STARD13: variants seen among roughly 807,000 people sequenced by gnomAD.
STARD13 encodes the protein stAR-related lipid transfer protein 13.
Under a neutral mutation model 106.4 loss-of-function variants are expected in STARD13, and 62 were observed. That is an observed-to-expected ratio of 0.58 (90% CI 0.48 to 0.72). STARD13 has a LOEUF of 0.72. Among genes scored for constraint, STARD13 ranks in the 30% least tolerant of loss-of-function variants. STARD13 has a pLI of 0.00. For missense variants in STARD13, 1,387 were observed against 1,424.0 expected, an observed-to-expected ratio of 0.97 and a Z score of 0.42; for synonymous variants, 565 against 553.0, an observed-to-expected ratio of 1.02 and a Z score of -0.31.
chr13:33,335,579 C>T (rs2077886622), intron 1 of STARD13, among the ~76,000 whole-genome samples: 2 of 152,262 alleles, frequency 1.3e-5, no homozygotes, highest in South Asian at 4.1e-4. Flanking sequence ...CACTTAACCT[C>T]TCCCAGCCTT....
chr13:33,312,974 A>T (rs1418232877), intron 1 of STARD13, among the ~76,000 whole-genome samples: 1 of 152,230 alleles, frequency 6.6e-6, no homozygotes, highest in Non-Finnish European at 1.5e-5. Flanking sequence ...GCCAACTGTG[A>T]TGAGTTCCAG....
chr13:33,141,816 T>C (rs1403587358), intron 4 of STARD13, among the ~76,000 whole-genome samples: 3 of 152,196 alleles, frequency 2.0e-5, no homozygotes, highest in Non-Finnish European at 4.4e-5. Flanking sequence ...GGTTGACATT[T>C]ACAACGGACA....
chr13:33,111,056 AGGCCG>A, intron 10 of STARD13, 149 bp from the exon 11 acceptor site: 1 of 649,820 alleles, frequency 1.5e-6, no homozygotes, highest in South Asian at 1.9e-5. Flanking sequence ...ATCATTGCCA[AGGCCG>A]GGAGGGGCCT....
intron 7 of STARD13, among the ~76,000 whole-genome samples, chr13:33,120,401 T>C (rs1042955813): frequency 6.6e-6 from 1 of 152,180 alleles, no homozygotes; most frequent in African/African-American, 2.4e-5. Flanking sequence ...ATTTTAATTA[T>C]TTTAGACATG....
chr13:33,641,055 AGACACAAAGGGTAT>A, the STARD13 span, among the ~76,000 whole-genome samples: 1 of 152,236 alleles, frequency 6.6e-6, no homozygotes, highest in Non-Finnish European at 1.5e-5. Flanking sequence ...AAATAGGACT[AGACACAAAGGGTAT>A]GATCTAATGC....
the STARD13 span, among the ~76,000 whole-genome samples, chr13:33,429,987 G>T: frequency 2.6e-5 from 4 of 151,254 alleles, no homozygotes; most frequent in South Asian, 6.3e-4. Context: ...GCGCGATCTC[G>T]GCTCACTGCA....
At chr13:33,274,323 C>T (rs965248559) in intron 1 of STARD13, among the ~76,000 whole-genome samples, 6 of 152,018 alleles carry the variant, frequency 3.9e-5, no homozygotes, top group Non-Finnish European at 5.9e-5. Flanking sequence ...GAGATTAAGA[C>T]ACAGACACAC....
chr13:33,417,782 T>A, the STARD13 span, among the ~76,000 whole-genome samples: 1 of 151,978 alleles, frequency 6.6e-6, no homozygotes, highest in East Asian at 1.9e-4. Flanking sequence ...GGGGGGGAAA[T>A]GGCGATTGAT....
chr13:33,195,271 A>G lies in STARD13; in HGVS notation c.170-27649T>C, dbSNP rs191571698. Among the ~76,000 whole-genome samples, 108 of 152,358 alleles carry G rather than the reference A, an allele frequency of 7.1e-4. 1 individual carries two copies. Among genetic ancestry groups the G allele is most frequent in the Non-Finnish European group, 1.8e-4 (12 of 68,040 alleles). On this transcript the variant is annotated intron_variant, in intron 1 of 13. Transcript: ENST00000336934. ...TATATATTCCCCCACAGGAAGGAACACTATTTCAGTAATCCCCTGTTACTG... is the reference window on the plus strand; with the variant it reads ...TATATATTCCCCCACAGGAAGGAACGCTATTTCAGTAATCCCCTGTTACTG...
downstream of STARD13, among the ~76,000 whole-genome samples, chr13:33,344,865 A>G (rs141176946): frequency 1.9e-3 from 285 of 152,364 alleles, 1 homozygote; most frequent in African/African-American, 6.7e-3. Context: ...TTCCATTAAA[A>G]TAGAGTAGGG....
At chr13:33,214,692 G>GCACACACACACACA in intron 1 of STARD13, among the ~76,000 whole-genome samples, 1 of 103,332 alleles carries the variant, frequency 9.7e-6, no homozygotes, top group African/African-American at 4.4e-5. Flanking sequence ...ACACACACAT[G>GCACACACACACACA]CACACATACA....
the STARD13 span, among the ~76,000 whole-genome samples, chr13:33,553,868 G>A: frequency 8.1e-4 from 123 of 152,092 alleles, no homozygotes; most frequent in Non-Finnish European, 1.4e-3. Flanking sequence ...GTGAGCCACC[G>A]TGCCTGGCTG....
chr13:33,535,380 C>T, the STARD13 span, among the ~76,000 whole-genome samples: 1 of 152,086 alleles, frequency 6.6e-6, no homozygotes, highest in Non-Finnish European at 1.5e-5. Flanking sequence ...AGAAGAGTTA[C>T]ATACAAATAT....
chr13:33,461,501 G>T, the STARD13 span, among the ~76,000 whole-genome samples: 1 of 152,128 alleles, frequency 6.6e-6, no homozygotes, highest in Non-Finnish European at 1.5e-5. Context: ...CCTCAGTGGG[G>T]ACTCAGGTTT....
the STARD13 span, among the ~76,000 whole-genome samples, chr13:33,370,954 T>C: frequency 6.6e-6 from 1 of 151,694 alleles, no homozygotes; most frequent in Non-Finnish European, 1.5e-5. Flanking sequence ...ATAGAAATAA[T>C]AATTTCAAAG....
chr13:33,301,953 T>C (rs1892737984), intron 1 of STARD13, among the ~76,000 whole-genome samples: 2 of 152,182 alleles, frequency 1.3e-5, no homozygotes, highest in Admixed American at 1.3e-4. Context: ...TTCCTTCATA[T>C]ACTTGTGCCT....
At chr13:33,649,809 T>C in the STARD13 span, among the ~76,000 whole-genome samples, 8 of 152,182 alleles carry the variant, frequency 5.3e-5, no homozygotes, top group East Asian at 1.9e-4. Flanking sequence ...GCACATTCCA[T>C]TGCTGTGAGT....
chr13:33,509,230 A>G, the STARD13 span, among the ~76,000 whole-genome samples: 1 of 152,158 alleles, frequency 6.6e-6, no homozygotes, highest in African/African-American at 2.4e-5. Flanking sequence ...CTTCAGCCTC[A>G]TCTGGCAGTT....
At chr13:33,490,503 G>C in the STARD13 span, among the ~76,000 whole-genome samples, 1 of 152,182 alleles carries the variant, frequency 6.6e-6, no homozygotes, top group African/African-American at 2.4e-5. Context: ...AGAGAAAGAA[G>C]AGTAGGGGCA....
Sources: gnomAD v4.1 joint callset for allele counts (sites outside exome capture counted in the v4.1 genomes callset) on GRCh38, gnomAD v4.1.1 for gene constraint, MANE v1.5 for transcripts, NCBI Gene and HGNC (gene_info 2026-07-23, HGNC 2026-07-21) for gene names.